Variants in ANKRD26 observed in about 807,000 individuals in gnomAD.
ANKRD26 encodes the protein ankyrin repeat domain-containing protein 26.
Under a neutral mutation model 208.7 loss-of-function variants are expected in ANKRD26, and 141 were observed. The observed-to-expected ratio is 0.68, with a 90% CI of 0.59 to 0.78. ANKRD26 has a LOEUF of 0.78. ANKRD26 is among the 30% of genes least tolerant of loss of function. The probability of loss-of-function intolerance (pLI) is 0.00; values close to 1 mark genes in which losing one functional copy is unlikely to be tolerated. For missense variants in ANKRD26, 1,889 were observed against 1,938.7 expected, an observed-to-expected ratio of 0.97 and a Z score of 0.48; for synonymous variants, 636 against 660.4, an observed-to-expected ratio of 0.96 and a Z score of 0.57.
chr10:27,059,989 C>G (rs1411265725), intron 15 of ANKRD26, among the ~76,000 whole-genome samples: 1 of 152,166 alleles, frequency 6.6e-6, no homozygotes, highest in Non-Finnish European at 1.5e-5. Context: ...CACCCGAGAT[C>G]AGGAGTTTGA....
intron 4 of ANKRD26, among the ~76,000 whole-genome samples, chr10:26,998,871 T>C (rs2052655853): frequency 6.6e-6 from 1 of 151,784 alleles, no homozygotes; most frequent in South Asian, 2.1e-4. Flanking sequence ...GGGAAGATGG[T>C]AGAATGGAGA....
chr10:26,980,943 G>T (rs1035536191), intron 4 of ANKRD26, among the ~76,000 whole-genome samples: 3 of 152,188 alleles, frequency 2.0e-5, no homozygotes, highest in Admixed American at 2.0e-4. Context: ...TAAGTTGTTT[G>T]TTGGCCTCCT....
downstream of ANKRD26, among the ~76,000 whole-genome samples, chr10:26,970,411 G>A (rs1442519968): frequency 1.3e-5 from 2 of 152,132 alleles, no homozygotes; most frequent in Non-Finnish European, 2.9e-5. Flanking sequence ...GATCTAGCTA[G>A]TGAGTGACTT....
At chr10:27,094,406 G>A (rs1285899836) in intron 1 of ANKRD26, among the ~76,000 whole-genome samples, 1 of 152,122 alleles carries the variant, frequency 6.6e-6, no homozygotes, top group African/African-American at 2.4e-5. Context: ...GAATAGAAAA[G>A]GCTTGACCTT....
intron 21 of ANKRD26, among the ~76,000 whole-genome samples, chr10:27,039,367 T>C (rs2054151459): frequency 1.3e-5 from 2 of 151,788 alleles, no homozygotes; most frequent in South Asian, 2.1e-4. Context: ...GGTGGGAGAA[T>C]TGCTTAAACC....
chr10:27,015,624 G>A (rs749758620), intron 30 of ANKRD26, among the ~76,000 whole-genome samples: 12 of 152,220 alleles, frequency 7.9e-5, no homozygotes, highest in Admixed American at 3.3e-4. Context: ...TGTAGATTGT[G>A]TTCCAAGACT....
At chr10:27,087,859 C>A (rs2056173005) in intron 4 of ANKRD26, among the ~76,000 whole-genome samples, 1 of 152,160 alleles carries the variant, frequency 6.6e-6, no homozygotes, top group Non-Finnish European at 1.5e-5. Flanking sequence ...TAATCCACTG[C>A]CGCCTGGAAC....
intron 29 of ANKRD26, among the ~76,000 whole-genome samples, chr10:27,021,436 G>A (rs1357640191): frequency 1.3e-5 from 2 of 152,180 alleles, no homozygotes; most frequent in Admixed American, 1.3e-4. Flanking sequence ...GTTCTCTGCA[G>A]CCTTGCTGGC....
At chr10:26,984,880 G>A (rs547254230) in intron 3 of ANKRD26, among the ~76,000 whole-genome samples, 15 of 152,204 alleles carry the variant, frequency 9.9e-5, no homozygotes, top group African/African-American at 3.6e-4. Flanking sequence ...CTTTCCACCA[G>A]CCCTGAAGAC....
At chr10:27,020,667 C>CT (rs960672600) in intron 29 of ANKRD26, among the ~76,000 whole-genome samples, 7 of 151,946 alleles carry the variant, frequency 4.6e-5, no homozygotes, top group Non-Finnish European at 7.4e-5. Context: ...CCACATCTTT[C>CT]TTTTTTTTGA....
At chr10:27,022,441 G>T in intron 29 of ANKRD26, 117 bp downstream of exon 29, 6 of 807,734 alleles carry the variant, frequency 7.4e-6, no homozygotes, top group African/African-American at 1.8e-5. Flanking sequence ...TTTTTTATTA[G>T]TATCAAGTCC....
the ANKRD26 span, among the ~76,000 whole-genome samples, chr10:26,962,988 G>T: frequency 2.0e-5 from 3 of 152,096 alleles, no homozygotes; most frequent in Admixed American, 2.0e-4. Flanking sequence ...AACTCTTGCT[G>T]CAACCCTACT....
intron 29 of ANKRD26, among the ~76,000 whole-genome samples, chr10:27,020,013 C>A (rs79734928): frequency 0.019 from 2,856 of 152,292 alleles, 158 homozygotes; most frequent in East Asian, 0.16. Context: ...AAGATCGGGG[C>A]TGGGTTCCAA....
Position 27,044,202 on chromosome 10 carries a change from A to G in ANKRD26, c.1986-12T>C. On this transcript the variant is annotated splice_polypyrimidine_tract_variant and intron_variant, in intron 18 of 33. Coordinates refer to ENST00000376087, the MANE Select transcript of ANKRD26 (RefSeq NM_014915.3). The stretch of plus-strand genomic sequence containing the variant: ...TTTTCTTAGTAGGCCTAAAAAAAAA[A>G]AATACCTTTCAGGCAAATAGTAAAC... 1 of 1,439,786 alleles carries G rather than the reference A, an allele frequency of 6.9e-7. No homozygotes were observed. Among genetic ancestry groups the G allele is most frequent in the Non-Finnish European group, 9.5e-7 (1 of 1,053,294 alleles). The allele number at this position is 1,439,786 out of a possible 1,614,324, so 89.2% of individuals were successfully genotyped here. A position where few individuals can be genotyped will look rare whatever the true frequency, so the allele number is the denominator to read the frequency against.
downstream of ANKRD26, among the ~76,000 whole-genome samples, chr10:27,003,173 A>T (rs1325611975): frequency 6.6e-6 from 1 of 152,178 alleles, no homozygotes; most frequent in Non-Finnish European, 1.5e-5. Context: ...GGATGAAGGG[A>T]GCCAGGTTGC....
chr10:27,052,454 A>T (rs916727438), intron 16 of ANKRD26, among the ~76,000 whole-genome samples: 14 of 152,124 alleles, frequency 9.2e-5, no homozygotes, highest in African/African-American at 3.4e-4. Context: ...CTGAGCCCCT[A>T]CAGTGCATTT....
chr10:27,067,407 A>G, intron 9 of ANKRD26, 121 bp from the exon 10 acceptor site: 2 of 1,177,326 alleles, frequency 1.7e-6, no homozygotes, highest in Non-Finnish European at 2.4e-6. Context: ...CTGGTCATCC[A>G]AGATGGGGGC....
At chr10:27,024,201 G>C (rs907133981) in intron 28 of ANKRD26, among the ~76,000 whole-genome samples, 9 of 152,132 alleles carry the variant, frequency 5.9e-5, no homozygotes, top group African/African-American at 2.2e-4. Flanking sequence ...AAGATGAAGA[G>C]TGCAGTTGAC....
At chr10:27,072,575 T>C (rs1001418795) in intron 9 of ANKRD26, among the ~76,000 whole-genome samples, 1 of 152,162 alleles carries the variant, frequency 6.6e-6, no homozygotes, top group African/African-American at 2.4e-5. Context: ...TCCAGAGTAT[T>C]TCCCTTGGGT....
Sources: allele counts gnomAD v4.1 joint callset (sites outside exome capture counted in the v4.1 genomes callset), GRCh38; gene constraint gnomAD v4.1.1; transcripts MANE v1.5; gene names NCBI Gene and HGNC (gene_info 2026-07-23, HGNC 2026-07-21).